The following DSG2 variants were observed in gnomAD, a reference collection of about 807,000 sequenced individuals.
DSG2 encodes the protein desmoglein 2.
Under a neutral mutation model 75.6 loss-of-function variants are expected in DSG2, and 45 were observed. The observed-to-expected ratio is 0.60, with a 90% CI of 0.47 to 0.76. The LOEUF (loss-of-function observed/expected upper bound fraction) is 0.76. DSG2 is among the 30% of genes least tolerant of loss of function. The pLI, the probability that DSG2 is intolerant of heterozygous loss-of-function variation, is 0.00. For synonymous variants in DSG2, 429 were observed against 483.9 expected (o/e 0.89, Z 1.49); for missense variants, 1,267 against 1,357.4 (o/e 0.93, Z 1.05).
chr18:31,542,610 G>A lies in DSG2; in HGVS notation c.2092G>A (p.Gly698Arg). The A allele has an allele frequency of 6.2e-7, 1 of 1,614,156 alleles. No homozygotes were observed. The part of the protein sequence containing the change: ...GGMAKEATMK[G>R]SSSASIVKGQ... ...TATGGCCAAGGAAGCCACGATGAAA[G>A]GAAGTAGCTCTGCTTCCATTGTCAA... Residue 698 changes from glycine (G) to arginine (R), a missense_variant, in exon 14 of 15, where the codon GGA (glycine) becomes AGA (arginine). Transcript: ENST00000261590.
intron 1 of DSG2, among the ~76,000 whole-genome samples, chr18:31,510,854 C>T (rs573901306): frequency 6.6e-6 from 1 of 152,212 alleles, no homozygotes; most frequent in East Asian, 1.9e-4. Context: ...TTTCTGTCAC[C>T]AAGTTCCTGG....
rs1370902155 is a variant in DSG2 at position 31,535,359 on chromosome 18, C to G, written c.1370C>G (p.Ser457Cys). The G allele has an allele frequency of 1.9e-6, 3 of 1,610,402 alleles. No individual in the cohort carries two copies. Among genetic ancestry groups the G allele is most frequent in the Non-Finnish European group, 1.7e-6 (2 of 1,177,132 alleles). Residue 457 changes from serine (S) to cysteine (C), a missense_variant, in exon 10 of 15, where the codon TCT (serine) becomes TGT (cysteine). Coordinates refer to ENST00000261590, the MANE Select transcript of DSG2 (RefSeq NM_001943.5). ...CTTGCAAAACTTCCTGATTTTGAAT[C>G]TAGATATGTTCAAAATGGCACATAC... is the stretch of plus-strand genomic sequence containing the variant. ...IKLAKLPDFE[S>C]RYVQNGTYTV... is the part of the protein sequence containing the mutation.
intron 1 of DSG2, among the ~76,000 whole-genome samples, chr18:31,503,829 G>C (rs1050010132): frequency 6.6e-6 from 1 of 152,128 alleles, no homozygotes; most frequent in African/African-American, 2.4e-5. Flanking sequence ...AGGCATTTTG[G>C]TTGTCACAGT....
intron 1 of DSG2, among the ~76,000 whole-genome samples, chr18:31,513,449 C>G (rs1054631234): frequency 6.6e-6 from 1 of 152,182 alleles, no homozygotes; most frequent in Non-Finnish European, 1.5e-5. Flanking sequence ...CACATTTATG[C>G]CTAAACCAGC....
intron 8 of DSG2, among the ~76,000 whole-genome samples, chr18:31,527,998 A>G (rs2073172903): frequency 6.6e-6 from 1 of 152,232 alleles, no homozygotes; most frequent in Non-Finnish European, 1.5e-5. Context: ...TTTGAGAGTC[A>G]GGATTTCAGC....
At chr18:31,523,269 CG>C (rs1324194174) in intron 6 of DSG2, among the ~76,000 whole-genome samples, 7 of 151,866 alleles carry the variant, frequency 4.6e-5, no homozygotes, top group Admixed American at 2.0e-4. Flanking sequence ...GGTGTGGTGG[CG>C]GGCACCTGTA....
rs548836958 is a variant in DSG2, at chr18:31,536,811, CCCA to C, written c.1651+385_1651+387del. Reference sequence around the variant, plus strand: ...TGCTATGTGCTAGGCATTCTGCTAGCCCACCCTATGTATTACCATATTTAATCC... The same window carrying C: ...TGCTATGTGCTAGGCATTCTGCTAGCCCCTATGTATTACCATATTTAATCC... On this transcript the variant is annotated intron_variant, in intron 11 of 14. Coordinates refer to ENST00000261590, the MANE Select transcript of DSG2 (RefSeq NM_001943.5). Among the ~76,000 whole-genome samples the C allele has an allele frequency of 5.7e-4, 87 of 152,334 alleles. No individual in the cohort carries two copies. The East Asian group carries it at 0.013, about 23-fold the overall frequency.
In DSG2 at chr18:31,546,702, A is replaced by G. The variant is rs772797477; in HGVS notation, c.3316A>G (p.Arg1106Gly). 2.5e-6 allele frequency: 4 copies of G among 1,614,214 alleles called. No homozygotes were observed. The Admixed American group carries it at 5.0e-5, about 20-fold the overall frequency. The change falls in exon 15 of 15, where the codon AGA becomes GGA. Residue 1106 changes from arginine to glycine, a missense_variant. By Grantham distance (125) the Arg-to-Gly change is moderately radical (BLOSUM62 -2). Coordinates refer to ENST00000261590, the MANE Select transcript of DSG2 (RefSeq NM_001943.5). ...SNSTITTSSTRVTKHSTVQHS... is the reference protein window; with the variant it reads ...SNSTITTSSTGVTKHSTVQHS... ...TTCTACCATAACCACATCTTCCACC[A>G]GAGTTACCAAGCATAGCACTGTACA...
rs556460772 is a variant in DSG2, at chr18:31,545,173, G to A, written c.2335-548G>A. The stretch of plus-strand genomic sequence containing the variant: ...GCTCCAGTCATTCTTGGTTATGTAT[G>A]TGTGTACTAACTTTTGATTTGGAAG... On this transcript the variant is annotated intron_variant, in intron 14 of 14. Coordinates refer to ENST00000261590, the MANE Select transcript of DSG2 (RefSeq NM_001943.5). Among the ~76,000 whole-genome samples the A allele has an allele frequency of 5.3e-5, 8 of 152,278 alleles. No homozygotes were observed. The South Asian group carries it at 1.0e-3, about 20-fold the overall frequency.
At chr18:31,539,353 A>C (rs1157336963) in intron 12 of DSG2, among the ~76,000 whole-genome samples, 2 of 152,174 alleles carry the variant, frequency 1.3e-5, no homozygotes, top group Admixed American at 6.5e-5. Flanking sequence ...GATGTGTTGC[A>C]TGACTTTGGG....
rs947908475 is a variant in DSG2, at chr18:31,547,933, C to A, written c.*1190C>A. On this transcript the variant is annotated 3_prime_UTR_variant, in exon 15 of 15. Coordinates refer to ENST00000261590, the MANE Select transcript of DSG2 (RefSeq NM_001943.5). ...GAGAACAACTAGGCCTATTTCACTG[C>A]TGTGTAGCCTCAGTGCCTAACATGG... 1.3e-5 allele frequency: 2 copies of A among 152,162 alleles called. No homozygotes were observed. The highest frequency in any genetic ancestry group is 4.8e-5 in the African/African-American group (2 of 41,430). 9.4% of individuals were successfully genotyped at this position (152,162 alleles called of 1,614,324 possible).
At chr18:31,508,995 C>T (rs8093731) in intron 1 of DSG2, among the ~76,000 whole-genome samples, 12,643 of 152,056 alleles carry the variant, frequency 0.083, 1,347 homozygotes, top group African/African-American at 0.25. Context: ...ATTCTAATGC[C>T]ACTCAAGCTT....
intron 4 of DSG2, 48 bp downstream of exon 4, chr18:31,521,012 A>C (rs2073124448): frequency 6.2e-7 from 1 of 1,608,666 alleles, no homozygotes. Context: ...TTTCTGTCAT[A>C]ATAAGTGTCA....
intron 6 of DSG2, among the ~76,000 whole-genome samples, chr18:31,523,184 A>G (rs1448213537): frequency 6.6e-6 from 1 of 151,956 alleles, no homozygotes; most frequent in Non-Finnish European, 1.5e-5. Context: ...GGCAGATCAC[A>G]AGGTCAGGAG....
At chr18:31,520,081 C>A in intron 3 of DSG2, 144 bp downstream of exon 3, 1 of 1,107,890 alleles carries the variant, frequency 9.0e-7, no homozygotes, top group Non-Finnish European at 1.3e-6. Context: ...TGAAAATTAG[C>A]AGAGCTTACT....
chr18:31,498,195 T>C lies in DSG2; in HGVS notation c.-57T>C. 8.2e-7 allele frequency: 1 copy of C among 1,223,966 alleles called. No homozygotes were observed. The highest frequency in any genetic ancestry group is 1.0e-6 in the Non-Finnish European group (1 of 979,768). 75.8% of individuals were successfully genotyped at this position (1,223,966 alleles called of 1,614,324 possible). A position where few individuals can be genotyped will look rare whatever the true frequency, so the allele number is the denominator to read the frequency against. On this transcript the variant is annotated 5_prime_UTR_variant, in exon 1 of 15. Coordinates refer to ENST00000261590, the MANE Select transcript of DSG2 (RefSeq NM_001943.5). ...GGCCAGGGAGGAGCCGAGTGCGCGC[T>C]CGGGGCAGGCGGCGGCGCGGAGCGG...
chr18:31,528,535 A>G (rs1440924320), intron 8 of DSG2, among the ~76,000 whole-genome samples: 1 of 152,030 alleles, frequency 6.6e-6, no homozygotes, highest in Non-Finnish European at 1.5e-5. Context: ...AACATGGTGA[A>G]ACCCTGACTC....
intron 6 of DSG2, among the ~76,000 whole-genome samples, chr18:31,524,110 G>T (rs1383706379): frequency 6.6e-6 from 1 of 152,204 alleles, no homozygotes; most frequent in Non-Finnish European, 1.5e-5. Context: ...TGAGAATGAA[G>T]TGCAGGACAG....
chr18:31,498,766 C>T (rs2072998335), intron 1 of DSG2, among the ~76,000 whole-genome samples: 1 of 152,114 alleles, frequency 6.6e-6, no homozygotes, highest in Admixed American at 6.5e-5. Flanking sequence ...CTGGGGAAAC[C>T]AGGAACATAC....
Sources: gnomAD v4.1 joint callset for allele counts (sites outside exome capture counted in the v4.1 genomes callset) on GRCh38, gnomAD v4.1.1 for gene constraint, MANE v1.5 for transcripts, NCBI Gene and HGNC (gene_info 2026-07-23, HGNC 2026-07-21) for gene names.